NET1: variants seen among roughly 807,000 people sequenced by gnomAD.
NET1 encodes neuroepithelial cell transforming 1, also known as neuroepithelial cell-transforming gene 1 protein.
NET1 carries 42 observed loss-of-function variants against 61.1 expected under a neutral mutation model. The observed-to-expected ratio is 0.69, with a 90% CI of 0.54 to 0.89. The LOEUF (loss-of-function observed/expected upper bound fraction) is 0.89, where lower values mean the gene tolerates loss of function less well. Among genes scored for constraint, NET1 ranks in the 40% least tolerant of loss-of-function variants. The probability of loss-of-function intolerance (pLI) is 0.00; values close to 1 mark genes in which losing one functional copy is unlikely to be tolerated. For missense variants in NET1, 654 were observed against 747.3 expected (o/e 0.88, Z 1.46); for synonymous variants, 254 against 281.8 (o/e 0.90, Z 0.99).
rs199594342 is a variant in NET1 at position 5,453,474 on chromosome 10, A to T, written c.692-10A>T. On this transcript the variant is annotated splice_polypyrimidine_tract_variant and intron_variant, in intron 7 of 11. Transcript: ENST00000355029. This position sits in a 1 kb window ranked among gnomAD's most constrained non-coding sequence, Gnocchi z 4.9. ...CTGTTAATGGTGTTTATGCTTTTTTATCACTTCAGATTTGTTGACAAGAAT... is the reference window on the plus strand; with the variant it reads ...CTGTTAATGGTGTTTATGCTTTTTTTTCACTTCAGATTTGTTGACAAGAAT... The T allele has an allele frequency of 4.2e-4, 677 of 1,613,836 alleles. 4 individuals are homozygous for T. Among genetic ancestry groups the T allele is most frequent in the South Asian group, 3.1e-3 (284 of 91,068 alleles).
Position 5,453,523 on chromosome 10 carries a change from G to A in NET1, c.731G>A (p.Gly244Glu), listed in dbSNP as rs773741515. ...TRIGEATKPD[G>E]TVEQIGHILV... ...ATAGGAGAAGCAACCAAGCCTGATG[G>A]AACAGTGGAGCAGATTGGTCACATT... The change falls in exon 8 of 12, where the codon GGA (glycine) becomes GAA (glutamate). Residue 244 changes from glycine to glutamate, a missense_variant. Coordinates refer to ENST00000355029, the MANE Select transcript of NET1 (RefSeq NM_001047160.3). The surrounding 1 kb of genome is among the most constrained non-coding windows in gnomAD (Gnocchi z 4.9). The A allele has an allele frequency of 6.2e-7, 1 of 1,614,132 alleles. No homozygotes were observed. Among genetic ancestry groups the A allele is most frequent in the Non-Finnish European group, 8.5e-7 (1 of 1,180,030 alleles).
rs1330652145 is a variant in NET1, at chr10:5,437,233, TTATC to T, written c.255+8008_255+8011del. Among the ~76,000 whole-genome samples, 1 of 152,222 alleles carries T rather than the reference TTATC, an allele frequency of 6.6e-6. No individual in the cohort carries two copies. Among genetic ancestry groups the T allele is most frequent in the African/African-American group, 2.4e-5 (1 of 41,472 alleles). On this transcript the variant is annotated intron_variant, in intron 3 of 11. Transcript: ENST00000355029. The surrounding 1 kb of genome is among the most constrained non-coding windows in gnomAD (Gnocchi z 4.3). The stretch of plus-strand genomic sequence containing the variant: ...TTTGTCCAGATTGTTTTCTTTTTAT[TTATC>T]TATTTTCATACAGTATGTGTAATGA...
rs150542987 is a variant in NET1, at chr10:5,456,608, C to T, written c.1405C>T (p.Arg469Cys). 28 of 1,506,764 alleles carry T rather than the reference C, an allele frequency of 1.9e-5. No homozygotes were observed. Among genetic ancestry groups the T allele is most frequent in the South Asian group, 5.3e-5 (4 of 75,644 alleles). 93.3% of individuals were successfully genotyped at this position (1,506,764 alleles called of 1,614,324 possible). Reference sequence around the variant, plus strand: ...TTCAGCTAAAAATATCTTTAGAATTCGCTTCCATGACCCCTCTCCAGCCCA... The same window carrying T: ...TTCAGCTAAAAATATCTTTAGAATTTGCTTCCATGACCCCTCTCCAGCCCA... ...SEKAKNIFRI[R>C]FHDPSPAQSH... Residue 469 changes from arginine to cysteine, a missense_variant, in exon 12 of 12, where the codon CGC becomes TGC. Arg to Cys is a radical substitution (Grantham distance 180). Transcript: ENST00000355029. This position sits in a 1 kb window ranked among gnomAD's most constrained non-coding sequence, Gnocchi z 7.0.
In NET1 at chr10:5,429,181, CAGAG is replaced by C; in HGVS notation, c.211_214del (p.Glu71LysfsTer6). Reference sequence around the variant, plus strand: ...TATTTTTCTTTTAGAAAAGAAAACGCAGAGAGAAAGATGATGATGTTGTAAGCCT... The same window carrying C: ...TATTTTTCTTTTAGAAAAGAAAACGCAGAAAGATGATGATGTTGTAAGCCT... On this transcript the variant is annotated frameshift_variant, in exon 3 of 12. Transcript: ENST00000355029. LOFTEE classifies it high-confidence loss of function. 1 of 1,608,612 alleles carries C rather than the reference CAGAG, an allele frequency of 6.2e-7. No homozygotes were observed. Among genetic ancestry groups the C allele is most frequent in the Non-Finnish European group, 8.5e-7 (1 of 1,176,684 alleles).
rs905389133 is a variant in NET1, at chr10:5,423,227, T to G, written c.129-3428T>G. On this transcript the variant is annotated intron_variant, in intron 1 of 11. Transcript: ENST00000355029. The surrounding 1 kb of genome is among the most constrained non-coding windows in gnomAD (Gnocchi z 4.4). ...GCTTTTAAGAATGCTTTTTTCCTGT[T>G]GGTAATAGTAATTTTCAATACGTTT... Among the ~76,000 whole-genome samples the G allele has an allele frequency of 1.3e-5, 2 of 152,168 alleles. No homozygotes were observed. The highest frequency in any genetic ancestry group is 2.9e-5 in the Non-Finnish European group (2 of 68,002).
Position 5,446,723 on chromosome 10 carries a change from G to A in NET1, c.256-5107G>A, listed in dbSNP as rs1008829208. The A allele has an allele frequency of 1.9e-6, 3 of 1,563,482 alleles. No homozygotes were observed. The highest frequency in any genetic ancestry group is 2.6e-6 in the Non-Finnish European group (3 of 1,149,404). ...CATAGCGTCGCTACAGCGCTGACTC[G>A]GTGTGGATTGATTGGAAAGGTTTGA... is the stretch of plus-strand genomic sequence containing the variant. On this transcript the variant is annotated intron_variant, in intron 3 of 11. Coordinates refer to ENST00000355029, the MANE Select transcript of NET1 (RefSeq NM_001047160.3). The surrounding 1 kb of genome is among the most constrained non-coding windows in gnomAD (Gnocchi z 5.0).
In NET1 at chr10:5,452,212, A is replaced by G; in HGVS notation, c.364-146A>G. The G allele has an allele frequency of 2.6e-6, 2 of 757,522 alleles. No individual in the cohort carries two copies. The highest frequency in any genetic ancestry group is 5.6e-5 in the South Asian group (2 of 35,756). The allele number at this position is 757,522 out of a possible 1,614,324, so 46.9% of individuals were successfully genotyped here. ...TAGCTGATAAATATTTAAGATTGGT[A>G]GGTGGAAACTTGGATAAATTATTGT... On this transcript the variant is annotated intron_variant, in intron 4 of 11. Transcript: ENST00000355029. The surrounding 1 kb of genome is among the most constrained non-coding windows in gnomAD (Gnocchi z 4.0).
intron 3 of NET1, among the ~76,000 whole-genome samples, chr10:5,438,364 G>A (rs575856283): frequency 1.2e-4 from 18 of 152,240 alleles, no homozygotes; most frequent in African/African-American, 3.6e-4. Context: ...GAAAAAAAGA[G>A]AGAAGACTCA....
At position 5,423,766 on chromosome 10, in the gene NET1, G is replaced by A. The variant is rs533168907; in HGVS notation, c.129-2889G>A. ...ATGAAATCATTTTTTTCCCCACAAG[G>A]ATTTAAAATAGCTATTACATTTTGA... On this transcript the variant is annotated intron_variant, in intron 1 of 11. Coordinates refer to ENST00000355029, the MANE Select transcript of NET1 (RefSeq NM_001047160.3). The surrounding 1 kb of genome is among the most constrained non-coding windows in gnomAD (Gnocchi z 4.4). 1.3e-5 allele frequency among the ~76,000 whole-genome samples: 2 copies of A among 152,048 alleles called. No homozygotes were observed. The highest frequency in any genetic ancestry group is 4.8e-5 in the African/African-American group (2 of 41,408).
chr10:5,453,457 GGTGTT>G lies in NET1; in HGVS notation c.692-26_692-22del. 1 of 1,609,444 alleles carries G rather than the reference GGTGTT, an allele frequency of 6.2e-7. No individual in the cohort carries two copies. On this transcript the variant is annotated intron_variant, in intron 7 of 11. Transcript: ENST00000355029. The surrounding 1 kb of genome is among the most constrained non-coding windows in gnomAD (Gnocchi z 4.9). Reference sequence around the variant, plus strand: ...CTATTTTTTAAATAAACCTGTTAATGGTGTTTATGCTTTTTTATCACTTCAGATTT... The same window carrying G: ...CTATTTTTTAAATAAACCTGTTAATGTATGCTTTTTTATCACTTCAGATTT...
In NET1 at chr10:5,434,729, GT is replaced by G. The variant is rs372455994; in HGVS notation, c.255+5511del. The stretch of plus-strand genomic sequence containing the variant: ...TTTTTTTGGTTATGCTAGTTGCTCT[GT>G]TTTTTTTTTTCTTTAAAAGTAAAGA... On this transcript the variant is annotated intron_variant, in intron 3 of 11. Coordinates refer to ENST00000355029, the MANE Select transcript of NET1 (RefSeq NM_001047160.3). Among the ~76,000 whole-genome samples, 1,024 of 123,034 alleles carry G rather than the reference GT, an allele frequency of 8.3e-3. 33 individuals carry two copies. In the East Asian group the frequency reaches 0.12, roughly 14 times the overall value. 80.7% of individuals were successfully genotyped at this position (123,034 alleles called of 152,430 possible).
In NET1 at chr10:5,455,000, C is replaced by T. The variant is rs748162590; in HGVS notation, c.1079C>T (p.Ser360Phe). The T allele has an allele frequency of 1.4e-5, 22 of 1,614,060 alleles. No homozygotes were observed. The highest frequency in any genetic ancestry group is 1.9e-5 in the Non-Finnish European group (22 of 1,179,972). The change falls in exon 10 of 12, where the codon TCC becomes TTC. Residue 360 changes from serine to phenylalanine, a missense_variant. Coordinates refer to ENST00000355029, the MANE Select transcript of NET1 (RefSeq NM_001047160.3). This position sits in a 1 kb window ranked among gnomAD's most constrained non-coding sequence, Gnocchi z 8.1. Reference protein sequence around the residue: ...LSDINLKKGESECQYYIDKLE... With the variant: ...LSDINLKKGEFECQYYIDKLE... Reference sequence around the variant, plus strand: ...GATATCAACTTGAAGAAAGGTGAATCCGAGTGCCAGTATTACATCGACAAG... The same window carrying T: ...GATATCAACTTGAAGAAAGGTGAATTCGAGTGCCAGTATTACATCGACAAG...
At position 5,452,590 on chromosome 10, in the gene NET1, T is replaced by C; in HGVS notation, c.531+65T>C. The C allele has an allele frequency of 2.7e-6, 4 of 1,503,064 alleles. No individual in the cohort carries two copies. The highest frequency in any genetic ancestry group is 3.6e-6 in the Non-Finnish European group (4 of 1,105,114). The allele number at this position is 1,503,064 out of a possible 1,614,324, so 93.1% of individuals were successfully genotyped here. On this transcript the variant is annotated intron_variant, in intron 5 of 11. Coordinates refer to ENST00000355029, the MANE Select transcript of NET1 (RefSeq NM_001047160.3). This position sits in a 1 kb window ranked among gnomAD's most constrained non-coding sequence, Gnocchi z 4.0. ...AGCAAATTGATGCCGATGGCAAAAT[T>C]AACTTGGATTTTTGTGTTTGAGCAA...
rs900095004 is a variant in NET1, at chr10:5,452,182, A to C, written c.364-176A>C. On this transcript the variant is annotated intron_variant, in intron 4 of 11. Transcript: ENST00000355029. The surrounding 1 kb of genome is among the most constrained non-coding windows in gnomAD (Gnocchi z 4.0). ...GGCTAGTTTTTATTCCCAAAAATGT[A>C]ATTTTAGCTGATAAATATTTAAGAT... is the stretch of plus-strand genomic sequence containing the variant. Among the ~76,000 whole-genome samples the C allele has an allele frequency of 6.6e-6, 1 of 152,164 alleles. No homozygotes were observed. Among genetic ancestry groups the C allele is most frequent in the Non-Finnish European group, 1.5e-5 (1 of 68,028 alleles).
chr10:5,425,871 A>C (rs1832251138), intron 1 of NET1, among the ~76,000 whole-genome samples: 1 of 152,222 alleles, frequency 6.6e-6, no homozygotes, highest in African/African-American at 2.4e-5. Context: ...TGAAGTAATT[A>C]ATAATAAATA....
Position 5,457,069 on chromosome 10 carries a change from G to A in NET1, c.*75G>A. The A allele has an allele frequency of 7.0e-7, 1 of 1,424,774 alleles. No homozygotes were observed. Among genetic ancestry groups the A allele is most frequent in the Non-Finnish European group, 9.4e-7 (1 of 1,069,098 alleles). The allele number at this position is 1,424,774 out of a possible 1,614,324, so 88.3% of individuals were successfully genotyped here. On this transcript the variant is annotated 3_prime_UTR_variant, in exon 12 of 12. Coordinates refer to ENST00000355029, the MANE Select transcript of NET1 (RefSeq NM_001047160.3). The surrounding 1 kb of genome is among the most constrained non-coding windows in gnomAD (Gnocchi z 5.4). ...TGTACAGTTTTGTTTTCTCGTAAGG[G>A]GAGCATCATAGGGTTACTTTATACC...
chr10:5,413,036 T>G lies in NET1; in HGVS notation c.128+216T>G, dbSNP rs1389834657. ...GGGGTGGGGGAGGTGACCGCGGGGT[T>G]GGGGGGGGGGACGGGGGCCGCTGGA... is the stretch of plus-strand genomic sequence containing the variant. On this transcript the variant is annotated intron_variant, in intron 1 of 11. Coordinates refer to ENST00000355029, the MANE Select transcript of NET1 (RefSeq NM_001047160.3). Among the ~76,000 whole-genome samples, 28 of 39,946 alleles carry G rather than the reference T, an allele frequency of 7.0e-4. No homozygotes were observed. The highest frequency in any genetic ancestry group is 8.7e-4 in the Admixed American group (4 of 4,610). 26.2% of individuals were successfully genotyped at this position (39,946 alleles called of 152,430 possible).
chr10:5,442,181 G>A (rs565030442), intron 3 of NET1, among the ~76,000 whole-genome samples: 2 of 152,308 alleles, frequency 1.3e-5, no homozygotes, highest in Non-Finnish European at 2.9e-5. Context: ...AGTCATCTAT[G>A]TAATGTCGTT....
At chr10:5,425,876 TAA>T (rs1171225310) in intron 1 of NET1, among the ~76,000 whole-genome samples, 1 of 152,232 alleles carries the variant, frequency 6.6e-6, no homozygotes, top group African/African-American at 2.4e-5. Flanking sequence ...TAATTAATAA[TAA>T]ATACACTTTA....
Sources: allele counts gnomAD v4.1 joint callset (sites outside exome capture counted in the v4.1 genomes callset), GRCh38; gene constraint gnomAD v4.1.1; non-coding constraint Gnocchi (gnomAD v3.1); transcripts MANE v1.5; gene names NCBI Gene and HGNC (gene_info 2026-07-23, HGNC 2026-07-21).